ADAMTS17: variants seen among roughly 807,000 people sequenced by gnomAD.
The protein encoded by ADAMTS17 is ADAM metallopeptidase with thrombospondin type 1 motif 17.
ADAMTS17 carries 113 observed loss-of-function variants against 141.5 expected under a neutral mutation model. The ratio of observed to expected loss-of-function variants is 0.80; its 90% CI spans 0.69 to 0.93. ADAMTS17 has a LOEUF of 0.93. Ranked by LOEUF, ADAMTS17 falls within the 40% of genes least tolerant of loss-of-function variation. The pLI, the probability that ADAMTS17 is intolerant of heterozygous loss-of-function variation, is 0.00. For missense variants in ADAMTS17, 1,659 were observed against 1,517.9 expected (o/e 1.09, Z -1.54); for synonymous variants, 768 against 630.6 (o/e 1.22, Z -3.27).
chr15:100,150,643 G>T (rs1246162884), intron 10 of ADAMTS17, among the ~76,000 whole-genome samples: 1 of 152,044 alleles, frequency 6.6e-6, no homozygotes, highest in Non-Finnish European at 1.5e-5. Flanking sequence ...AATAGCTCCG[G>T]CTCTCATGGA....
At chr15:100,010,050 G>A (rs143735933) in intron 18 of ADAMTS17, among the ~76,000 whole-genome samples, 20 of 152,348 alleles carry the variant, frequency 1.3e-4, no homozygotes, top group Middle Eastern at 3.4e-3. Flanking sequence ...TAGCGAATAA[G>A]TCTTGAGATC....
chr15:100,232,758 C>T (rs544334326), intron 7 of ADAMTS17, among the ~76,000 whole-genome samples: 13 of 152,178 alleles, frequency 8.5e-5, no homozygotes, highest in Non-Finnish European at 1.8e-4. Flanking sequence ...ACACCCTGCC[C>T]AGGCCCTCCT....
chr15:100,017,887 T>C (rs899530703), intron 18 of ADAMTS17, among the ~76,000 whole-genome samples: 1 of 152,238 alleles, frequency 6.6e-6, no homozygotes, highest in East Asian at 1.9e-4. Flanking sequence ...TATTTCATTA[T>C]GTGTGTTTTT....
intron 2 of ADAMTS17, among the ~76,000 whole-genome samples, chr15:100,340,514 G>A (rs1042259504): frequency 6.6e-6 from 1 of 152,168 alleles, no homozygotes; most frequent in Non-Finnish European, 1.5e-5. Flanking sequence ...AGTGGGGTGA[G>A]CCGTGGCCTG....
chr15:100,226,370 A>G (rs2042313824), intron 7 of ADAMTS17, among the ~76,000 whole-genome samples: 3 of 152,256 alleles, frequency 2.0e-5, no homozygotes, highest in African/African-American at 4.8e-5. Flanking sequence ...CCGGGGGAAA[A>G]GGAGGCTTGG....
chr15:100,089,995 A>ATT (rs2035353340), intron 15 of ADAMTS17, among the ~76,000 whole-genome samples: 1 of 149,920 alleles, frequency 6.7e-6, no homozygotes, highest in African/African-American at 2.5e-5. Context: ...ATAAAATTAA[A>ATT]AAAAAAAAAA....
At chr15:100,056,950 C>A (rs1232298309) in intron 15 of ADAMTS17, among the ~76,000 whole-genome samples, 2 of 151,966 alleles carry the variant, frequency 1.3e-5, no homozygotes, top group African/African-American at 4.8e-5. Flanking sequence ...TGGGACGGGG[C>A]AGATGGGGAA....
chr15:100,182,180 G>A (rs746114085), intron 8 of ADAMTS17, among the ~76,000 whole-genome samples: 5 of 152,322 alleles, frequency 3.3e-5, no homozygotes, highest in East Asian at 1.9e-4. Context: ...CATGGCTGGG[G>A]AGACCTCAGG....
intron 16 of ADAMTS17, 51 bp from the exon 17 acceptor site, chr15:100,051,782 T>C (rs2032168475): frequency 6.2e-7 from 1 of 1,611,798 alleles, no homozygotes; most frequent in Admixed American, 1.7e-5. Context: ...GGAAGGCCCG[T>C]GGGAATGCCG....
At chr15:100,205,851 C>T (rs941555641) in intron 7 of ADAMTS17, among the ~76,000 whole-genome samples, 7 of 152,334 alleles carry the variant, frequency 4.6e-5, no homozygotes, top group Non-Finnish European at 1.0e-4. Context: ...CCAAGCCAAG[C>T]CTCAGGGCCT....
At chr15:100,116,416 G>A (rs894910926) in intron 13 of ADAMTS17, among the ~76,000 whole-genome samples, 2 of 152,240 alleles carry the variant, frequency 1.3e-5, no homozygotes, top group Non-Finnish European at 2.9e-5. Flanking sequence ...CAAGGATTAA[G>A]AGCCAATTCA....
chr15:100,086,727 G>A (rs1412212575), intron 15 of ADAMTS17, among the ~76,000 whole-genome samples: 1 of 148,596 alleles, frequency 6.7e-6, no homozygotes, highest in Non-Finnish European at 1.5e-5. Context: ...TGAAAAATAT[G>A]CTCCTGAATG....
At chr15:100,212,561 C>A (rs1432877085) in intron 7 of ADAMTS17, among the ~76,000 whole-genome samples, 1 of 151,928 alleles carries the variant, frequency 6.6e-6, no homozygotes, top group Non-Finnish European at 1.5e-5. Flanking sequence ...AAACACTAAA[C>A]ACAGGAATCC....
chr15:100,059,541 A>G (rs1487910627), intron 15 of ADAMTS17, among the ~76,000 whole-genome samples: 6 of 152,188 alleles, frequency 3.9e-5, no homozygotes, highest in African/African-American at 9.7e-5. Context: ...AAAAATCATA[A>G]CTTCCTGCTA....
intron 7 of ADAMTS17, among the ~76,000 whole-genome samples, chr15:100,242,082 A>G (rs1318954817): frequency 6.6e-6 from 1 of 152,176 alleles, no homozygotes; most frequent in Non-Finnish European, 1.5e-5. Flanking sequence ...ACGAACTCAC[A>G]AAGAGCACAG....
intron 7 of ADAMTS17, among the ~76,000 whole-genome samples, chr15:100,233,772 A>T (rs2042565718): frequency 6.6e-6 from 1 of 151,872 alleles, no homozygotes; most frequent in African/African-American, 2.4e-5. Flanking sequence ...TCAGGGGGAG[A>T]GTGTGCCGGG....
chr15:100,073,452 ACACATG>A (rs2034131078), intron 15 of ADAMTS17, among the ~76,000 whole-genome samples: 1 of 152,102 alleles, frequency 6.6e-6, no homozygotes, highest in African/African-American at 2.4e-5. Flanking sequence ...TGTTATAAAG[ACACATG>A]CACACGTATG....
chr15:100,165,491 G>A (rs568022380), intron 8 of ADAMTS17, among the ~76,000 whole-genome samples: 2 of 152,186 alleles, frequency 1.3e-5, no homozygotes, highest in African/African-American at 2.4e-5. Context: ...CTGCTTGGGA[G>A]GCTCCCATTC....
rs2060854273 is a variant in ADAMTS17 at position 99,998,586 on chromosome 15, AGAGT to A, written c.2592-1001_2592-998del. Among the ~76,000 whole-genome samples the A allele has an allele frequency of 8.5e-5, 13 of 152,326 alleles. No individual in the cohort carries two copies. The South Asian group carries it at 2.7e-3, about 32-fold the overall frequency. On this transcript the variant is annotated intron_variant, in intron 18 of 21. Transcript: ENST00000268070. ...GCCACTGCACTCCAGCCTGGGTGAC[AGAGT>A]GAGACTGTATCCCCCAAAAAATAAA...
Sources: gnomAD v4.1 joint callset for allele counts (sites outside exome capture counted in the v4.1 genomes callset) on GRCh38, gnomAD v4.1.1 for gene constraint, MANE v1.5 for transcripts, NCBI Gene and HGNC (gene_info 2026-07-23, HGNC 2026-07-21) for gene names.